The following TKTL1 variants were observed in gnomAD, a reference collection of about 807,000 sequenced individuals.
TKTL1 encodes transketolase like 1.
Under a neutral mutation model 39.3 loss-of-function variants are expected in TKTL1, and 1 was observed. The observed-to-expected ratio is 0.03, with a 90% CI of 0.01 to 0.12. TKTL1 has a LOEUF of 0.12. Ranked by LOEUF, TKTL1 falls within the 10% of genes least tolerant of loss-of-function variation. TKTL1 has a pLI of 1.00. For missense variants in TKTL1, 575 were observed against 509.6 expected, an observed-to-expected ratio of 1.13 and a Z score of -1.24; for synonymous variants, 262 against 193.8, an observed-to-expected ratio of 1.35 and a Z score of -2.92.
At chrX:154,305,226 G>A in intron 1 of TKTL1, 78 bp from the exon 2 acceptor site, 1 of 1,186,944 alleles carries the variant, frequency 8.4e-7, no homozygotes, top group African/African-American at 1.7e-5. Context: ...CCGCTTCTAT[G>A]AGGAGACCAT....
chrX:154,320,674 G>A, intron 7 of TKTL1, 83 bp from the exon 8 acceptor site: 1 of 976,071 alleles, frequency 1.0e-6, no homozygotes, highest in Non-Finnish European at 1.5e-6. Context: ...GGTGCAGAAT[G>A]GGAGTTATCA....
At chrX:154,301,548 C>T (rs1340708174) in intron 1 of TKTL1, among the ~76,000 whole-genome samples, 1 of 111,911 alleles carries the variant, frequency 8.9e-6, no homozygotes, top group Non-Finnish European at 1.9e-5. Flanking sequence ...TGCTCCAGAG[C>T]CTGGGCTAGA....
chrX:154,307,921 C>G, intron 2 of TKTL1, among the ~76,000 whole-genome samples: 1 of 111,306 alleles, frequency 9.0e-6, no homozygotes, highest in African/African-American at 3.3e-5. Context: ...CTGGGGGGCA[C>G]AAAGCATGCA....
chrX:154,308,666 G>C (rs2067333207), intron 2 of TKTL1, among the ~76,000 whole-genome samples: 1 of 110,710 alleles, frequency 9.0e-6, no homozygotes, highest in Non-Finnish European at 1.9e-5. Flanking sequence ...TCTCCAGTCA[G>C]TGCAGCAGCT....
chrX:154,329,113 G>C (rs1327096875), intron 12 of TKTL1, among the ~76,000 whole-genome samples: 1 of 112,546 alleles, frequency 8.9e-6, no homozygotes, highest in Non-Finnish European at 1.9e-5. Context: ...TGTTCCTACA[G>C]ACAGTCCAGG....
chrX:154,303,959 G>C lies in TKTL1; in HGVS notation c.135-1345G>C, dbSNP rs1415626613. On this transcript the variant is annotated intron_variant, in intron 1 of 12. Coordinates refer to ENST00000369915, the MANE Select transcript of TKTL1 (RefSeq NM_012253.4). ...AATTGTGATTTTCCAAAGTAGAAAG[G>C]GCACATCGTCTTTTTGGAGCCTCAA... 5.5e-5 allele frequency among the ~76,000 whole-genome samples: 6 copies of C among 109,392 alleles called. No individual in the cohort carries two copies. In the Admixed American group the frequency reaches 5.9e-4, roughly 11 times the overall value. The allele number at this position is 109,392 out of a possible 115,157, so 95.0% of individuals were successfully genotyped here. A position where few individuals can be genotyped will look rare whatever the true frequency, so the allele number is the denominator to read the frequency against.
chrX:154,325,486 C>CG, intron 10 of TKTL1, 64 bp downstream of exon 10: 1 of 925,885 alleles, frequency 1.1e-6, no homozygotes, highest in Middle Eastern at 2.7e-4. Context: ...ACTTCTGAAT[C>CG]TATCACCAGC....
chrX:154,310,752 TC>T, intron 3 of TKTL1, 83 bp from the exon 4 acceptor site: 1 of 861,346 alleles, frequency 1.2e-6, no homozygotes, highest in Non-Finnish European at 1.7e-6. Context: ...TCCAGTTGCG[TC>T]CGTTTCTCCT....
chrX:154,326,390 CTT>C (rs1569551176), intron 10 of TKTL1, among the ~76,000 whole-genome samples: 1 of 112,398 alleles, frequency 8.9e-6, no homozygotes, highest in African/African-American at 3.2e-5. Context: ...TCCTTCCTGT[CTT>C]TGTTCTAGGC....
intron 2 of TKTL1, among the ~76,000 whole-genome samples, chrX:154,306,724 C>T (rs1226241988): frequency 9.1e-6 from 1 of 110,014 alleles, no homozygotes; most frequent in Non-Finnish European, 1.9e-5. Flanking sequence ...GCACCCCTGA[C>T]CTCCTGGCCT....
chrX:154,300,653 G>C (rs1246137363), intron 1 of TKTL1, among the ~76,000 whole-genome samples: 1 of 111,478 alleles, frequency 9.0e-6, no homozygotes, highest in Non-Finnish European at 1.9e-5. Flanking sequence ...TTGTTCATCA[G>C]ATCTAAGAGT....
At chrX:154,321,070 A>G (rs1248699380) in intron 8 of TKTL1, among the ~76,000 whole-genome samples, 157 bp downstream of exon 8, 3 of 107,470 alleles carry the variant, frequency 2.8e-5, no homozygotes, top group Admixed American at 1.0e-4. Context: ...TAAAAGTGTC[A>G]GACTCTCAGG....
At chrX:154,304,458 G>T (rs2067299289) in intron 1 of TKTL1, among the ~76,000 whole-genome samples, 1 of 109,827 alleles carries the variant, frequency 9.1e-6, no homozygotes, top group Non-Finnish European at 1.9e-5. Context: ...CAGGCTGGGT[G>T]CGTGGCTCAT....
At chrX:154,310,308 A>G (rs1357856640) in intron 3 of TKTL1, among the ~76,000 whole-genome samples, 1 of 110,718 alleles carries the variant, frequency 9.0e-6, no homozygotes, top group Non-Finnish European at 1.9e-5. Context: ...AAATACAAAA[A>G]CTAGCTGGGC....
At chrX:154,308,069 T>C (rs1312542866) in intron 2 of TKTL1, among the ~76,000 whole-genome samples, 2 of 111,887 alleles carry the variant, frequency 1.8e-5, no homozygotes, top group Admixed American at 1.9e-4. Flanking sequence ...CGAATGGCGC[T>C]GACGTTTGAG....
intron 6 of TKTL1, 86 bp downstream of exon 6, chrX:154,312,859 CATTT>C (rs2067369378): frequency 4.3e-6 from 4 of 927,700 alleles, no homozygotes; most frequent in South Asian, 2.7e-5. Flanking sequence ...CAGGATTCTT[CATTT>C]ATTCTGGTCT....
Position 154,295,992 on chromosome X carries a change from G to A in TKTL1, c.133G>A (p.Gly45Ser). 1 of 1,210,789 alleles carries A rather than the reference G, an allele frequency of 8.3e-7. No individual in the cohort carries two copies. Among genetic ancestry groups the A allele is most frequent in the Non-Finnish European group, 1.1e-6 (1 of 894,857 alleles). Residue 45 changes from glycine (G) to serine (S), a missense_variant and splice_region_variant, in exon 1 of 13, where the codon GGC becomes AGC. Gly to Ser is a moderately conservative substitution (Grantham distance 56). Transcript: ENST00000369915. Reference sequence around the variant, plus strand: ...CAGGGCCACATGCTCCACGAGCTCCGGGTAAGTTCTCCTCATTGAAGTCTG... The same window carrying A: ...CAGGGCCACATGCTCCACGAGCTCCAGGTAAGTTCTCCTCATTGAAGTCTG... ...SIRATCSTSSGHPTSCSSSSE... is the reference protein window; with the variant it reads ...SIRATCSTSSSHPTSCSSSSE...
At position 154,305,397 on chromosome X, in the gene TKTL1, C is replaced by G; in HGVS notation, c.228C>G (p.Asp76Glu). The change falls in exon 2 of 13, where the codon GAC becomes GAG. Residue 76 changes from aspartate to glutamate, a missense_variant. Physicochemically the swap from Asp to Glu is conservative, Grantham distance 45. Transcript: ENST00000369915. ...AGCAGTCAGATCCAGAGAATCCGGA[C>G]AACGACCGATTTGTCCTCGCAAAGG... is the stretch of plus-strand genomic sequence containing the variant. ...RYKQSDPENP[D>E]NDRFVLAKRL... The G allele has an allele frequency of 8.3e-7, 1 of 1,210,002 alleles. No homozygotes were observed. Among genetic ancestry groups the G allele is most frequent in the South Asian group, 1.8e-5 (1 of 56,870 alleles).
intron 5 of TKTL1, among the ~76,000 whole-genome samples, chrX:154,311,776 TC>T (rs2067359756): frequency 9.0e-6 from 1 of 111,417 alleles, no homozygotes; most frequent in African/African-American, 3.3e-5. Flanking sequence ...ATAAAACTGT[TC>T]TGTGACTCCT....
Sources: gnomAD v4.1 joint callset for allele counts (sites outside exome capture counted in the v4.1 genomes callset) on GRCh38, gnomAD v4.1.1 for gene constraint, MANE v1.5 for transcripts, NCBI Gene and HGNC (gene_info 2026-07-23, HGNC 2026-07-21) for gene names.